The following PCYT1B variants were observed in gnomAD, a reference collection of about 807,000 sequenced individuals.
PCYT1B encodes phosphate cytidylyltransferase 1B, choline.
A neutral mutation model predicts 26.4 loss-of-function variants in PCYT1B; 10 were observed. The ratio of observed to expected loss-of-function variants is 0.38; its 90% CI spans 0.23 to 0.64. The LOEUF is 0.64. Among genes scored for constraint, PCYT1B ranks in the 30% least tolerant of loss-of-function variants. The pLI, the probability that PCYT1B is intolerant of heterozygous loss-of-function variation, is 0.56. For missense variants in PCYT1B, 161 were observed against 292.7 expected (o/e 0.55, Z 3.28); for synonymous variants, 131 against 108.4 (o/e 1.21, Z -1.29).
intron 3 of PCYT1B, among the ~76,000 whole-genome samples, chrX:24,598,996 G>A (rs1025064020): frequency 2.7e-5 from 3 of 111,691 alleles, no homozygotes; most frequent in Admixed American, 9.6e-5. Flanking sequence ...TACTTGATTG[G>A]CAATGATGTA....
At chrX:24,637,491 A>T (rs867305448) in intron 1 of PCYT1B, among the ~76,000 whole-genome samples, 842 of 52,594 alleles carry the variant, frequency 0.016, 33 homozygotes, top group Non-Finnish European at 0.018. Context: ...AAAAAAAAAA[A>T]ATATATATAT....
intron 7 of PCYT1B, among the ~76,000 whole-genome samples, chrX:24,568,094 C>T (rs983656243): frequency 8.9e-6 from 1 of 112,143 alleles, no homozygotes; most frequent in Non-Finnish European, 1.9e-5. Context: ...GTTCCTGGTA[C>T]GATCTGGTTT....
At chrX:24,574,479 A>G (rs1042871139) in intron 7 of PCYT1B, among the ~76,000 whole-genome samples, 1 of 111,480 alleles carries the variant, frequency 9.0e-6, no homozygotes, top group African/African-American at 3.3e-5. Flanking sequence ...ATTTCCTCTC[A>G]GTTTTAAGAT....
At chrX:24,632,347 A>G (rs367560199) in intron 1 of PCYT1B, 15 of 144,341 alleles carry the variant, frequency 1.0e-4, no homozygotes, top group African/African-American at 4.6e-4. Flanking sequence ...GCATAGCCAC[A>G]AGGAAAGCTA....
intron 3 of PCYT1B, among the ~76,000 whole-genome samples, chrX:24,601,487 T>C (rs1435576947): frequency 3.0e-5 from 3 of 100,903 alleles, no homozygotes; most frequent in African/African-American, 1.2e-4. Context: ...AGCGAAACTC[T>C]TTCTCGAAAA....
At position 24,616,769 on chromosome X, in the gene PCYT1B, T is replaced by A. The variant is rs141288316; in HGVS notation, c.217+2216A>T. 1.6e-4 allele frequency among the ~76,000 whole-genome samples: 18 copies of A among 112,070 alleles called. No individual in the cohort carries two copies. The East Asian group carries it at 5.1e-3, about 32-fold the overall frequency. On this transcript the variant is annotated intron_variant, in intron 2 of 7. Coordinates refer to ENST00000379144, the MANE Select transcript of PCYT1B (RefSeq NM_004845.5). ...TACACTAAAGCCTGGGAACAACAGC[T>A]TTGGCTGCTCTGTGCTACCTCCCCA...
At chrX:24,587,429 T>C in intron 4 of PCYT1B, 110 bp from the exon 5 acceptor site, 1 of 508,637 alleles carries the variant, frequency 2.0e-6, no homozygotes, top group Non-Finnish European at 3.5e-6. Flanking sequence ...AAGGCAGTTG[T>C]ATGTTACATT....
chrX:24,587,430 A>G (rs781765587), intron 4 of PCYT1B, 111 bp from the exon 5 acceptor site: 14 of 507,083 alleles, frequency 2.8e-5, no homozygotes, highest in Non-Finnish European at 4.9e-5. Context: ...AGGCAGTTGT[A>G]TGTTACATTT....
At chrX:24,624,723 C>T (rs921981083) in intron 1 of PCYT1B, among the ~76,000 whole-genome samples, 10 of 111,902 alleles carry the variant, frequency 8.9e-5, no homozygotes, top group African/African-American at 2.9e-4. Flanking sequence ...TACCAAAATT[C>T]ACAGCTTCTG....
intron 4 of PCYT1B, among the ~76,000 whole-genome samples, chrX:24,588,439 C>T (rs1031768012): frequency 1.8e-5 from 2 of 111,828 alleles, no homozygotes; most frequent in Admixed American, 1.9e-4. Context: ...CAAGCAAACA[C>T]TCCTTGCCTA....
At chrX:24,592,001 C>T (rs186863393) in intron 3 of PCYT1B, among the ~76,000 whole-genome samples, 59 of 111,095 alleles carry the variant, frequency 5.3e-4, no homozygotes, top group African/African-American at 1.9e-3. Context: ...GAACTTATTC[C>T]TCCTAACTGT....
chrX:24,638,659 G>A (rs1926373949), intron 1 of PCYT1B, among the ~76,000 whole-genome samples: 1 of 111,264 alleles, frequency 9.0e-6, no homozygotes, highest in African/African-American at 3.3e-5. Flanking sequence ...TTCCCTAACA[G>A]TCACTGAGAA....
At chrX:24,644,741 T>C (rs1839568327) in intron 1 of PCYT1B, among the ~76,000 whole-genome samples, 1 of 111,279 alleles carries the variant, frequency 9.0e-6, no homozygotes, top group South Asian at 3.8e-4. Flanking sequence ...AGTTACCACC[T>C]GGAATAAGCT....
intron 3 of PCYT1B, among the ~76,000 whole-genome samples, chrX:24,592,700 C>T (rs568685903): frequency 7.4e-4 from 83 of 111,548 alleles, no homozygotes; most frequent in Middle Eastern, 4.6e-3. Flanking sequence ...AACCAAAGTC[C>T]TCCAGTGGCT....
chrX:24,590,830 A>G (rs948069114), intron 3 of PCYT1B, among the ~76,000 whole-genome samples: 50 of 86,531 alleles, frequency 5.8e-4, no homozygotes, highest in Non-Finnish European at 9.6e-4. Context: ...GTCTCGCTCT[A>G]TCGCCCAGGC....
chrX:24,623,715 T>C (rs1046179510), intron 1 of PCYT1B, among the ~76,000 whole-genome samples: 3 of 111,521 alleles, frequency 2.7e-5, no homozygotes, highest in Non-Finnish European at 3.8e-5. Flanking sequence ...GCATTTCATG[T>C]ATAGAATCTC....
At chrX:24,600,485 A>T (rs1326408634) in intron 3 of PCYT1B, among the ~76,000 whole-genome samples, 1 of 110,939 alleles carries the variant, frequency 9.0e-6, no homozygotes, top group Non-Finnish European at 1.9e-5. Context: ...GGATAGGAAA[A>T]TTTAAACTGA....
At chrX:24,609,772 TC>T (rs1255901306) in intron 2 of PCYT1B, among the ~76,000 whole-genome samples, 1 of 111,360 alleles carries the variant, frequency 9.0e-6, no homozygotes, top group Non-Finnish European at 1.9e-5. Flanking sequence ...CCGCTAGTTT[TC>T]TTTATAAGCT....
intron 3 of PCYT1B, among the ~76,000 whole-genome samples, chrX:24,593,809 G>T (rs1436173140): frequency 9.0e-6 from 1 of 111,012 alleles, no homozygotes; most frequent in Non-Finnish European, 1.9e-5. Context: ...TTATAGGCGT[G>T]AGCCACCGCG....
Sources: gnomAD v4.1 joint callset for allele counts (sites outside exome capture counted in the v4.1 genomes callset) on GRCh38, gnomAD v4.1.1 for gene constraint, MANE v1.5 for transcripts, NCBI Gene and HGNC (gene_info 2026-07-23, HGNC 2026-07-21) for gene names.